The following CHCHD6 variants were observed in gnomAD, a reference collection of about 807,000 sequenced individuals.
CHCHD6 encodes MICOS complex subunit MIC25.
A neutral mutation model predicts 32.3 loss-of-function variants in CHCHD6; 28 were observed. The observed-to-expected ratio is 0.87, with a 90% CI of 0.64 to 1.19. CHCHD6 has a LOEUF of 1.19. Among genes scored for constraint, CHCHD6 ranks in the 50% most tolerant of loss-of-function variants. CHCHD6 has a pLI of 0.00. For missense variants in CHCHD6, 333 were observed against 307.0 expected, an observed-to-expected ratio of 1.08 and a Z score of -0.63; for synonymous variants, 122 against 117.5, an observed-to-expected ratio of 1.04 and a Z score of -0.25.
chr3:126,883,927 G>A (rs1304198120), intron 5 of CHCHD6, among the ~76,000 whole-genome samples: 1 of 152,140 alleles, frequency 6.6e-6, no homozygotes, highest in Non-Finnish European at 1.5e-5. Flanking sequence ...GTTTGCATTT[G>A]CACAGCTTGG....
intron 1 of CHCHD6, among the ~76,000 whole-genome samples, chr3:126,714,495 G>A (rs1354070820): frequency 2.0e-5 from 3 of 152,190 alleles, no homozygotes; most frequent in Admixed American, 2.0e-4. Flanking sequence ...AACAGCCTTA[G>A]GCAAGGGGGT....
At chr3:126,708,411 A>C (rs1240789216) in intron 1 of CHCHD6, among the ~76,000 whole-genome samples, 1 of 152,188 alleles carries the variant, frequency 6.6e-6, no homozygotes, top group East Asian at 1.9e-4. Context: ...TCAGGGCCCA[A>C]ATGCCAGGCA....
chr3:126,767,714 A>C (rs1937435432), intron 4 of CHCHD6, among the ~76,000 whole-genome samples: 1 of 152,140 alleles, frequency 6.6e-6, no homozygotes. Context: ...CCTAGTACCC[A>C]AAGGGTATTT....
chr3:126,722,445 G>A (rs906638515), intron 1 of CHCHD6, among the ~76,000 whole-genome samples: 1 of 152,178 alleles, frequency 6.6e-6, no homozygotes, highest in African/African-American at 2.4e-5. Context: ...TTACAGATGC[G>A]AGCCACTATG....
rs1273159581 is a variant in CHCHD6, at chr3:126,903,676, T to C, written c.496-11004T>C. Among the ~76,000 whole-genome samples, 2 of 152,352 alleles carry C rather than the reference T, an allele frequency of 1.3e-5. 1 individual carries two copies. Among genetic ancestry groups the C allele is most frequent in the East Asian group, 3.9e-4 (2 of 5,184 alleles). The stretch of plus-strand genomic sequence containing the variant: ...GCTGGCTGCCTAGCCTTTGTGCAGA[T>C]AGTGGTGCCACCCAACTGGACGGCC... On this transcript the variant is annotated intron_variant, in intron 5 of 7. Coordinates refer to ENST00000290913, the MANE Select transcript of CHCHD6 (RefSeq NM_032343.3).
At chr3:126,872,623 A>T (rs1342752953) in intron 5 of CHCHD6, among the ~76,000 whole-genome samples, 3 of 152,188 alleles carry the variant, frequency 2.0e-5, no homozygotes, top group African/African-American at 7.2e-5. Context: ...TGAGGGATCC[A>T]CAGGCTCCAG....
At chr3:126,922,179 A>G (rs1242875088) in intron 6 of CHCHD6, among the ~76,000 whole-genome samples, 1 of 152,194 alleles carries the variant, frequency 6.6e-6, no homozygotes, top group East Asian at 1.9e-4. Flanking sequence ...TATTTGAAAA[A>G]CTTTTACTAA....
intron 5 of CHCHD6, among the ~76,000 whole-genome samples, chr3:126,907,854 G>A (rs1430502199): frequency 6.6e-6 from 1 of 152,170 alleles, no homozygotes; most frequent in Admixed American, 6.5e-5. Flanking sequence ...CATCTGCGTG[G>A]CCTTTGGTTT....
chr3:126,842,881 G>A (rs1218439496), intron 4 of CHCHD6, among the ~76,000 whole-genome samples: 1 of 133,386 alleles, frequency 7.5e-6, no homozygotes, highest in Non-Finnish European at 1.5e-5. Context: ...CCATTCCTCT[G>A]TAAAAGAATG....
chr3:126,847,824 C>T (rs1410180432), intron 4 of CHCHD6, among the ~76,000 whole-genome samples: 1 of 152,214 alleles, frequency 6.6e-6, no homozygotes, highest in Non-Finnish European at 1.5e-5. Flanking sequence ...CCCATCCTCT[C>T]ACCTGCCTTC....
chr3:126,815,653 C>G (rs932428406), intron 4 of CHCHD6, among the ~76,000 whole-genome samples: 43 of 150,504 alleles, frequency 2.9e-4, no homozygotes, highest in East Asian at 1.2e-3. Flanking sequence ...GCCCCCCCCC[C>G]CCCATCTGTG....
At chr3:126,857,141 C>G (rs1941689732) in intron 5 of CHCHD6, among the ~76,000 whole-genome samples, 1 of 152,140 alleles carries the variant, frequency 6.6e-6, no homozygotes, top group African/African-American at 2.4e-5. Flanking sequence ...GCTGTGGCTC[C>G]TGCCTCATGA....
intron 6 of CHCHD6, among the ~76,000 whole-genome samples, chr3:126,939,464 C>G (rs1191394971): frequency 6.6e-6 from 1 of 152,178 alleles, no homozygotes; most frequent in Non-Finnish European, 1.5e-5. Flanking sequence ...TTGTTTCAGG[C>G]TGTGTCTTTT....
intron 4 of CHCHD6, among the ~76,000 whole-genome samples, chr3:126,827,435 T>C (rs1940443262): frequency 6.6e-6 from 1 of 152,132 alleles, no homozygotes; most frequent in South Asian, 2.1e-4. Context: ...GCAGGAAAAG[T>C]CCACATGAGG....
intron 4 of CHCHD6, among the ~76,000 whole-genome samples, chr3:126,772,141 A>G (rs1287652215): frequency 6.6e-6 from 1 of 152,068 alleles, no homozygotes; most frequent in Non-Finnish European, 1.5e-5. Context: ...TTGCTTTGTC[A>G]CCCAGGCTGG....
At chr3:126,733,436 T>C (rs1935904116) in intron 4 of CHCHD6, among the ~76,000 whole-genome samples, 1 of 152,190 alleles carries the variant, frequency 6.6e-6, no homozygotes, top group South Asian at 2.1e-4. Context: ...TTTGCTGCCT[T>C]TGGCATGTTT....
At chr3:126,822,814 CTG>C (rs1363310065) in intron 4 of CHCHD6, among the ~76,000 whole-genome samples, 1 of 152,132 alleles carries the variant, frequency 6.6e-6, no homozygotes, top group Non-Finnish European at 1.5e-5. Flanking sequence ...TGTTTCTAGA[CTG>C]TGTCTAGTTC....
At chr3:126,850,270 G>A (rs956866204) in intron 4 of CHCHD6, among the ~76,000 whole-genome samples, 1 of 152,242 alleles carries the variant, frequency 6.6e-6, no homozygotes, top group Admixed American at 6.5e-5. Flanking sequence ...TTTCATTCAA[G>A]TGGGAGGCAC....
rs888546771 is a variant in CHCHD6, at chr3:126,960,183, G to A, written c.703-13G>A. ...GTGGGCCCTGACTCAACTCTGACCT[G>A]TTCTCTTTGTAGGGCTGAGGAGCAG... On this transcript the variant is annotated splice_polypyrimidine_tract_variant and intron_variant, in intron 7 of 7. Coordinates refer to ENST00000290913, the MANE Select transcript of CHCHD6 (RefSeq NM_032343.3). 7.1e-6 allele frequency: 11 copies of A among 1,551,432 alleles called. No homozygotes were observed. Among genetic ancestry groups the A allele is most frequent in the Non-Finnish European group, 9.6e-6 (11 of 1,146,926 alleles).
Sources: allele counts gnomAD v4.1 joint callset (sites outside exome capture counted in the v4.1 genomes callset), GRCh38; gene constraint gnomAD v4.1.1; transcripts MANE v1.5; gene names NCBI Gene and HGNC (gene_info 2026-07-23, HGNC 2026-07-21).